The following ARK2C variants were observed in gnomAD, a reference collection of about 807,000 sequenced individuals.
The protein encoded by ARK2C is arkadia (RNF111) C-terminal like ring finger ubiquitin ligase 2C.
chr18:46,447,028 T>C, the ARK2C span, among the ~76,000 whole-genome samples: 1 of 152,212 alleles, frequency 6.6e-6, no homozygotes, highest in Non-Finnish European at 1.5e-5. Context: ...TGGTTCATCC[T>C]CAGTGCAATT....
At chr18:46,409,214 T>C in the ARK2C span, among the ~76,000 whole-genome samples, 1 of 152,180 alleles carries the variant, frequency 6.6e-6, no homozygotes, top group African/African-American at 2.4e-5. Flanking sequence ...GTCTGCAAGT[T>C]TATTTTCCAC....
the ARK2C span, among the ~76,000 whole-genome samples, chr18:46,455,544 A>G: frequency 6.6e-6 from 1 of 152,108 alleles, no homozygotes; most frequent in African/African-American, 2.4e-5. Context: ...GGTATTACTT[A>G]AGAACTTTAT....
At chr18:46,450,409 C>A in the ARK2C span, 1 of 1,586,904 alleles carries the variant, frequency 6.3e-7, no homozygotes, top group Non-Finnish European at 8.7e-7. Flanking sequence ...AGGTATGTTG[C>A]TCTGTCTGGT....
the ARK2C span, among the ~76,000 whole-genome samples, chr18:46,445,968 C>T: frequency 3.9e-5 from 6 of 151,976 alleles, no homozygotes; most frequent in Admixed American, 2.0e-4. Flanking sequence ...TTTCCCCTTA[C>T]CTGGATTTTA....
chr18:46,354,419 C>T, the ARK2C span, among the ~76,000 whole-genome samples: 273 of 152,328 alleles, frequency 1.8e-3, 1 homozygote, highest in African/African-American at 6.5e-3. Flanking sequence ...TCCTCATGCA[C>T]GAAGTGCAGG....
At chr18:46,342,582 C>T in the ARK2C span, among the ~76,000 whole-genome samples, 6 of 152,136 alleles carry the variant, frequency 3.9e-5, no homozygotes, top group African/African-American at 7.2e-5. Context: ...CCTCAGATGC[C>T]GTCTCAGAGC....
chr18:46,340,714 T>C, the ARK2C span, among the ~76,000 whole-genome samples: 2 of 152,242 alleles, frequency 1.3e-5, no homozygotes, highest in Admixed American at 1.3e-4. Flanking sequence ...ATGACTGCCA[T>C]GAAACCTACC....
the ARK2C span, chr18:46,450,511 T>A: frequency 1.1e-6 from 1 of 916,536 alleles, no homozygotes; most frequent in South Asian, 1.4e-5. Flanking sequence ...TCAGGAAGCT[T>A]CAGGGTTAAG....
At chr18:46,424,864 C>T in the ARK2C span, among the ~76,000 whole-genome samples, 3 of 152,238 alleles carry the variant, frequency 2.0e-5, no homozygotes, top group Non-Finnish European at 4.4e-5. Flanking sequence ...GGTAGTGATG[C>T]CTTCCTCACT....
At chr18:46,421,468 C>T in the ARK2C span, among the ~76,000 whole-genome samples, 1 of 152,230 alleles carries the variant, frequency 6.6e-6, no homozygotes, top group Non-Finnish European at 1.5e-5. Flanking sequence ...GACCTAGGCT[C>T]TGCCTTCATG....
chr18:46,447,104 C>G, the ARK2C span, among the ~76,000 whole-genome samples: 1 of 152,082 alleles, frequency 6.6e-6, no homozygotes, highest in Non-Finnish European at 1.5e-5. Flanking sequence ...TTGCGGTGGG[C>G]CAGGATAAGC....
the ARK2C span, among the ~76,000 whole-genome samples, chr18:46,379,436 C>T: frequency 4.6e-5 from 7 of 152,182 alleles, no homozygotes; most frequent in African/African-American, 1.7e-4. Flanking sequence ...ACCCTCACAC[C>T]CACCTTCCCT....
chr18:46,418,177 C>T, the ARK2C span, among the ~76,000 whole-genome samples: 793 of 152,104 alleles, frequency 5.2e-3, 5 homozygotes, highest in African/African-American at 0.018. Context: ...AGTGAGACCC[C>T]TATCTCTACA....
the ARK2C span, among the ~76,000 whole-genome samples, chr18:46,366,042 C>G: frequency 6.6e-6 from 1 of 151,908 alleles, no homozygotes; most frequent in South Asian, 2.1e-4. Flanking sequence ...CCTGTAATCC[C>G]AGCACTTTGG....
chr18:46,397,294 AC>A, the ARK2C span, among the ~76,000 whole-genome samples: 1 of 152,154 alleles, frequency 6.6e-6, no homozygotes, highest in Non-Finnish European at 1.5e-5. Context: ...ATCAGGAAAT[AC>A]AAGACCAGTG....
At chr18:46,347,972 G>T in the ARK2C span, among the ~76,000 whole-genome samples, 2 of 152,266 alleles carry the variant, frequency 1.3e-5, no homozygotes, top group South Asian at 4.2e-4. Flanking sequence ...CATAAGGGCA[G>T]TAGCAGATGC....
the ARK2C span, among the ~76,000 whole-genome samples, chr18:46,351,463 G>C: frequency 6.6e-6 from 1 of 152,122 alleles, no homozygotes; most frequent in Non-Finnish European, 1.5e-5. Flanking sequence ...AAAGAGATTG[G>C]GTCCTTGAGC....
chr18:46,356,714 C>T, the ARK2C span, among the ~76,000 whole-genome samples: 5 of 152,284 alleles, frequency 3.3e-5, no homozygotes, highest in African/African-American at 1.2e-4. Context: ...GCACCCTCTC[C>T]CAGGGCTCCA....
the ARK2C span, among the ~76,000 whole-genome samples, chr18:46,363,594 G>A: frequency 6.6e-6 from 1 of 152,190 alleles, no homozygotes; most frequent in East Asian, 1.9e-4. Flanking sequence ...TCCACTCAGT[G>A]TACAGCCCCA....
Sources: gnomAD v4.1 joint callset for allele counts (sites outside exome capture counted in the v4.1 genomes callset) on GRCh38, gnomAD v4.1.1 for gene constraint, MANE v1.5 for transcripts, NCBI Gene and HGNC (gene_info 2026-07-23, HGNC 2026-07-21) for gene names.